The following NPM1 variants were observed in gnomAD, a reference collection of about 807,000 sequenced individuals.
The protein encoded by NPM1 is nucleophosmin.
NPM1 carries 1 observed loss-of-function variant against 44.1 expected under a neutral mutation model. The observed-to-expected ratio is 0.02, with a 90% CI of 0.01 to 0.11. NPM1 has a LOEUF of 0.11. Among genes scored for constraint, NPM1 ranks in the 10% least tolerant of loss-of-function variants. NPM1 has a pLI of 1.00. For synonymous variants in NPM1, 126 were observed against 111.8 expected (o/e 1.13, Z -0.80); for missense variants, 197 against 347.8 (o/e 0.57, Z 3.45).
At chr5:171,397,953 G>A (rs962093878) in intron 6 of NPM1, among the ~76,000 whole-genome samples, 3 of 151,014 alleles carry the variant, frequency 2.0e-5, no homozygotes, top group Admixed American at 6.6e-5. Context: ...CACCACGCCC[G>A]GCTAATTTTC....
chr5:171,388,075 CGGG>C, intron 1 of NPM1, 69 bp downstream of exon 1: 34 of 567,868 alleles, frequency 6.0e-5, no homozygotes, highest in East Asian at 2.2e-4. Context: ...GGGTGAGGGG[CGGG>C]AATCCGGCTG....
intron 8 of NPM1, among the ~76,000 whole-genome samples, chr5:171,403,053 G>A (rs1240691194): frequency 6.4e-5 from 7 of 109,830 alleles, no homozygotes; most frequent in Non-Finnish European, 1.3e-4. Context: ...GTTTCTCACA[G>A]AGGGGGATTT....
intron 6 of NPM1, among the ~76,000 whole-genome samples, chr5:171,396,056 T>G (rs932507445): frequency 1.3e-5 from 2 of 151,778 alleles, no homozygotes; most frequent in African/African-American, 4.8e-5. Context: ...CATGGCTCAC[T>G]GTAACTTCTG....
intron 6 of NPM1, among the ~76,000 whole-genome samples, 197 bp from the exon 7 acceptor site, chr5:171,399,956 A>G (rs1028258104): frequency 1.3e-5 from 2 of 152,184 alleles, no homozygotes; most frequent in African/African-American, 2.4e-5. Flanking sequence ...TGTAGCATGC[A>G]AGAGGATTTT....
At chr5:171,408,867 A>G (rs1221824209) in intron 10 of NPM1, among the ~76,000 whole-genome samples, 1 of 152,242 alleles carries the variant, frequency 6.6e-6, no homozygotes, top group Non-Finnish European at 1.5e-5. Context: ...AACTACTGCC[A>G]AGGAAAGTGA....
rs200119475 is a variant in NPM1, at chr5:171,395,962, A to ATTTTTTTTTTTTTTTTTT, written c.524+2984_524+2985insTTTTTTTTTTTTTTTTTT. Among the ~76,000 whole-genome samples the ATTTTTTTTTTTTTTTTTT allele has an allele frequency of 4.5e-5, 6 of 133,440 alleles. 1 individual carries two copies. The highest frequency in any genetic ancestry group is 2.6e-4 in the South Asian group (1 of 3,812). 87.5% of individuals were successfully genotyped at this position (133,440 alleles called of 152,430 possible). A position where few individuals can be genotyped will look rare whatever the true frequency, so the allele number is the denominator to read the frequency against. ...TTGGGGAATTTCTTAAGTAAAGCTGAATTTTTTTTTTTTTTTTTGGAGACA... is the reference window on the plus strand; with the variant it reads ...TTGGGGAATTTCTTAAGTAAAGCTGATTTTTTTTTTTTTTTTTTATTTTTTTTTTTTTTTTTGGAGACA... On this transcript the variant is annotated intron_variant, in intron 6 of 10. Coordinates refer to ENST00000296930, the MANE Select transcript of NPM1 (RefSeq NM_002520.7).
At chr5:171,388,050 T>TGGGG in intron 1 of NPM1, 44 bp downstream of exon 1, 1 of 724,876 alleles carries the variant, frequency 1.4e-6, no homozygotes, top group East Asian at 4.3e-5. Flanking sequence ...CGGGGCCTGG[T>TGGGG]GGCGGTGAGG....
At chr5:171,400,614 A>G (rs1771146134) in intron 7 of NPM1, among the ~76,000 whole-genome samples, 2 of 151,294 alleles carry the variant, frequency 1.3e-5, no homozygotes, top group Admixed American at 6.6e-5. Context: ...ATGCCACCAC[A>G]CCCAGCTAAT....
chr5:171,391,661 T>A, intron 3 of NPM1, 45 bp from the exon 4 acceptor site: 1 of 1,337,898 alleles, frequency 7.5e-7, no homozygotes. Flanking sequence ...TGTTTATTGT[T>A]CATTTTCTTC....
At chr5:171,400,980 C>A in intron 8 of NPM1, 55 bp downstream of exon 8, 2 of 1,201,746 alleles carry the variant, frequency 1.7e-6, no homozygotes, top group Non-Finnish European at 2.5e-6. Flanking sequence ...GAAAAAGATT[C>A]TACTGTGGAA....
chr5:171,397,228 T>C (rs1770953764), intron 6 of NPM1, among the ~76,000 whole-genome samples: 1 of 152,256 alleles, frequency 6.6e-6, no homozygotes, highest in African/African-American at 2.4e-5. Context: ...GCATTATCAG[T>C]ACTCCATTTA....
chr5:171,389,587 C>T (rs1291037846), intron 1 of NPM1, among the ~76,000 whole-genome samples: 1 of 152,176 alleles, frequency 6.6e-6, no homozygotes, highest in Non-Finnish European at 1.5e-5. Context: ...ATCCCTGTAG[C>T]AAACTTCGGT....
At chr5:171,390,911 C>T (rs1224397378) in intron 2 of NPM1, among the ~76,000 whole-genome samples, 1 of 149,684 alleles carries the variant, frequency 6.7e-6, no homozygotes, top group Non-Finnish European at 1.5e-5. Context: ...TTAGTAGAGA[C>T]GAGGTTGTTA....
chr5:171,395,871 G>A lies in NPM1; in HGVS notation c.524+2893G>A, dbSNP rs73327230. ...GCTATGTAATGTGCATAGTGCTGAT[G>A]TATACTATACATAGATGTATGTAAT... On this transcript the variant is annotated intron_variant, in intron 6 of 10. Transcript: ENST00000296930. Among the ~76,000 whole-genome samples the A allele has an allele frequency of 3.8e-3, 578 of 152,126 alleles. 3 individuals are homozygous for A. Among genetic ancestry groups the A allele is most frequent in the African/African-American group, 0.011 (464 of 41,514 alleles).
chr5:171,403,056 G>T (rs1343572003), intron 8 of NPM1, among the ~76,000 whole-genome samples: 2 of 113,682 alleles, frequency 1.8e-5, no homozygotes, highest in Non-Finnish European at 3.6e-5. Context: ...TCTCACAGAG[G>T]GGGATTTGGC....
chr5:171,403,580 C>T (rs1246934484), intron 8 of NPM1, among the ~76,000 whole-genome samples: 2 of 110,456 alleles, frequency 1.8e-5, no homozygotes, highest in African/African-American at 3.3e-5. Flanking sequence ...CCAGTAGGGG[C>T]GGCTGGGCAG....
intron 9 of NPM1, chr5:171,406,587 C>T: frequency 1.4e-6 from 2 of 1,410,486 alleles, no homozygotes; most frequent in Non-Finnish European, 1.8e-6. Flanking sequence ...TCTTGGTTCC[C>T]TAAAGCACTT....
At chr5:171,400,763 T>C (rs1771155108) in intron 7 of NPM1, 76 bp from the exon 8 acceptor site, 1 of 981,532 alleles carries the variant, frequency 1.0e-6, no homozygotes, top group Non-Finnish European at 1.6e-6. Flanking sequence ...GCTGCTTGTC[T>C]TACATGGCTT....
At chr5:171,389,371 G>A (rs1770450808) in intron 1 of NPM1, among the ~76,000 whole-genome samples, 1 of 152,192 alleles carries the variant, frequency 6.6e-6, no homozygotes, top group South Asian at 2.1e-4. Flanking sequence ...GAAGAATTTT[G>A]CCCATTCATG....
Sources: allele counts gnomAD v4.1 joint callset (sites outside exome capture counted in the v4.1 genomes callset), GRCh38; gene constraint gnomAD v4.1.1; transcripts MANE v1.5; gene names NCBI Gene and HGNC (gene_info 2026-07-23, HGNC 2026-07-21).